The following CDC42BPB variants were observed in gnomAD, a reference collection of about 807,000 sequenced individuals.
CDC42BPB encodes serine/threonine-protein kinase MRCK beta.
In CDC42BPB, 37 loss-of-function variants were observed where a neutral mutation model predicts 214.9. The observed-to-expected ratio is 0.17, with a 90% CI of 0.13 to 0.23. CDC42BPB has a LOEUF of 0.23. Ranked by LOEUF, CDC42BPB falls within the 10% of genes least tolerant of loss-of-function variation. CDC42BPB has a pLI of 1.00. For missense variants in CDC42BPB, 1,694 were observed against 2,227.0 expected, an observed-to-expected ratio of 0.76 and a Z score of 4.82; for synonymous variants, 931 against 884.0, an observed-to-expected ratio of 1.05 and a Z score of -0.94.
chr14:102,979,701 A>G (rs1893913916), intron 8 of CDC42BPB, among the ~76,000 whole-genome samples: 1 of 152,212 alleles, frequency 6.6e-6, no homozygotes, highest in African/African-American at 2.4e-5. Flanking sequence ...TAAGCAACGA[A>G]GAAGATTTTC....
At chr14:102,974,790 T>C (rs1197010623) in intron 11 of CDC42BPB, among the ~76,000 whole-genome samples, 76 of 152,152 alleles carry the variant, frequency 5.0e-4, no homozygotes, top group Non-Finnish European at 1.5e-5. Context: ...ATCCTGTCTC[T>C]ATTTTGTAAA....
At chr14:102,967,391 C>T (rs1376300593) in intron 16 of CDC42BPB, 1 of 983,994 alleles carries the variant, frequency 1.0e-6, no homozygotes, top group Admixed American at 6.1e-5. Flanking sequence ...GAGCTAGTGA[C>T]TTCAGGCAAT....
Position 102,970,248 on chromosome 14 carries a change from A to C in CDC42BPB, c.1898T>G (p.Leu633Arg), listed in dbSNP as rs751052410. The C allele has an allele frequency of 9.3e-6, 15 of 1,612,748 alleles. No individual in the cohort carries two copies. The highest frequency in any genetic ancestry group is 8.0e-5 in the African/African-American group (6 of 74,928). ...EKLRKELEAQLDDAVAEASKE... is the reference protein window; with the variant it reads ...EKLRKELEAQRDDAVAEASKE... ...GGAGGCCTCAGCAACAGCATCATCA[A>C]GCTGAGCTTCCAGCTACAAAAGGAA... is the stretch of plus-strand genomic sequence containing the variant. The change falls in exon 14 of 37, where the codon CTT becomes CGT. Residue 633 changes from leucine (L) to arginine (R), a missense_variant. This residue lies in a region of CDC42BPB where 462 missense variants were observed against 513.5 expected (regional missense o/e 0.90). Transcript: ENST00000361246.
chr14:102,959,695 T>A lies in CDC42BPB; in HGVS notation c.2837A>T (p.Asp946Val). 1 of 1,611,780 alleles carries A rather than the reference T, an allele frequency of 6.2e-7. No individual in the cohort carries two copies. The highest frequency in any genetic ancestry group is 8.5e-7 in the Non-Finnish European group (1 of 1,179,358). Reference protein sequence around the residue: ...FRADTGLKLPDFQDSIFEYFN... With the variant: ...FRADTGLKLPVFQDSIFEYFN... ...ATACTCAAAAATGGAATCCTGAAAA[T>A]CTGGAAGTTTGAGCCCTGCAAAAAG... is the stretch of plus-strand genomic sequence containing the variant. The change falls in exon 21 of 37, where the codon GAT (aspartate) becomes GTT (valine). Residue 946 changes from aspartate (D) to valine (V), a missense_variant. Around this residue, in one of 7 missense-constraint regions of CDC42BPB, gnomAD observed 156 missense variants for 154.5 expected, o/e 1.01. Coordinates refer to ENST00000361246, the MANE Select transcript of CDC42BPB (RefSeq NM_006035.4).
chr14:102,946,740 G>A (rs1015995227), intron 27 of CDC42BPB, 56 bp from the exon 28 acceptor site: 95 of 1,594,024 alleles, frequency 6.0e-5, no homozygotes, highest in African/African-American at 6.7e-5. Flanking sequence ...AAAGCCGCAC[G>A]CAGCTACCAC....
intron 8 of CDC42BPB, among the ~76,000 whole-genome samples, chr14:102,978,635 G>A (rs1893864050): frequency 6.6e-6 from 1 of 152,188 alleles, no homozygotes; most frequent in African/African-American, 2.4e-5. Flanking sequence ...AAGGCAAAAA[G>A]GAACCCAAAG....
At chr14:103,017,884 T>C (rs117962882) in intron 1 of CDC42BPB, among the ~76,000 whole-genome samples, 2,309 of 152,368 alleles carry the variant, frequency 0.015, 23 homozygotes, top group Non-Finnish European at 0.021. Context: ...ACATTCCTGA[T>C]TGTGTTGGTT....
chr14:102,946,306 A>C (rs1892172953), intron 28 of CDC42BPB, among the ~76,000 whole-genome samples, 162 bp downstream of exon 28: 1 of 152,084 alleles, frequency 6.6e-6, no homozygotes, highest in East Asian at 1.9e-4. Context: ...TACAGGCGTG[A>C]GCCACCGCAC....
intron 5 of CDC42BPB, among the ~76,000 whole-genome samples, chr14:102,994,122 G>A (rs965498275): frequency 2.0e-5 from 3 of 152,104 alleles, no homozygotes; most frequent in African/African-American, 7.2e-5. Flanking sequence ...TCTATGGACC[G>A]AGTTAGCAGG....
chr14:102,964,379 C>G (rs1188896569), intron 19 of CDC42BPB, 123 bp downstream of exon 19: 4 of 1,173,220 alleles, frequency 3.4e-6, no homozygotes, highest in Non-Finnish European at 4.8e-6. Flanking sequence ...CCTCCTAAGG[C>G]TCCAGCAAAC....
intron 2 of CDC42BPB, among the ~76,000 whole-genome samples, chr14:103,010,048 G>A (rs946968029): frequency 6.6e-6 from 1 of 152,228 alleles, no homozygotes; most frequent in Non-Finnish European, 1.5e-5. Context: ...CTACTTGGGA[G>A]GCTGGGGCGG....
At chr14:103,029,103 G>A (rs1887204628) in intron 1 of CDC42BPB, among the ~76,000 whole-genome samples, 1 of 152,168 alleles carries the variant, frequency 6.6e-6, no homozygotes, top group Non-Finnish European at 1.5e-5. Flanking sequence ...ATTTTTATGG[G>A]AAATTTTCTC....
chr14:102,947,264 A>T (rs556305898), intron 27 of CDC42BPB, among the ~76,000 whole-genome samples: 1 of 152,154 alleles, frequency 6.6e-6, no homozygotes, highest in Non-Finnish European at 1.5e-5. Flanking sequence ...TCTTTCCCCA[A>T]TTCAGTCTTC....
intron 11 of CDC42BPB, 89 bp downstream of exon 11, chr14:102,975,595 C>T: frequency 7.4e-7 from 1 of 1,342,470 alleles, no homozygotes; most frequent in Admixed American, 2.0e-5. Flanking sequence ...TTTCTGCTTT[C>T]CCACTTTATG....
intron 36 of CDC42BPB, chr14:102,937,293 G>C (rs1250184763): frequency 6.6e-6 from 1 of 152,502 alleles, no homozygotes; most frequent in African/African-American, 2.4e-5. Context: ...AGACAGGCTG[G>C]GGGCCTGCTG....
intron 1 of CDC42BPB, among the ~76,000 whole-genome samples, chr14:103,048,314 C>T (rs1018952105): frequency 7.9e-5 from 12 of 151,900 alleles, no homozygotes; most frequent in African/African-American, 1.9e-4. Context: ...GAGGCCAATG[C>T]GGGCGGACTG....
chr14:103,036,455 T>C (rs893791206), intron 1 of CDC42BPB, among the ~76,000 whole-genome samples: 5 of 151,990 alleles, frequency 3.3e-5, no homozygotes, highest in Non-Finnish European at 7.4e-5. Context: ...GCGCCCAGCC[T>C]AAAATATTCT....
chr14:103,012,480 T>C (rs554971964), intron 1 of CDC42BPB: 1 of 155,100 alleles, frequency 6.4e-6, no homozygotes, highest in East Asian at 1.9e-4. Flanking sequence ...TTTATACTAC[T>C]GTATTTTTAC....
At chr14:102,951,226 T>G (rs1892476565) in intron 24 of CDC42BPB, among the ~76,000 whole-genome samples, 2 of 152,164 alleles carry the variant, frequency 1.3e-5, no homozygotes, top group Non-Finnish European at 2.9e-5. Flanking sequence ...CATGGGGACG[T>G]GGGGTCTTGG....
Sources: allele counts gnomAD v4.1 joint callset (sites outside exome capture counted in the v4.1 genomes callset), GRCh38; gene constraint gnomAD v4.1.1; regional missense constraint gnomAD v4.1.1; transcripts MANE v1.5; gene names NCBI Gene and HGNC (gene_info 2026-07-23, HGNC 2026-07-21).